Variants in MTSS1 observed in about 807,000 individuals in gnomAD.
The protein encoded by MTSS1 is MTSS I-BAR domain containing 1.
In MTSS1, 18 loss-of-function variants were observed where a neutral mutation model predicts 79.0. That is an observed-to-expected ratio of 0.23 (90% CI 0.16 to 0.34). The LOEUF (loss-of-function observed/expected upper bound fraction) is 0.34. Ranked by LOEUF, MTSS1 falls within the 10% of genes least tolerant of loss-of-function variation. The pLI is 1.00. For synonymous variants in MTSS1, 341 were observed against 368.6 expected, an observed-to-expected ratio of 0.93 and a Z score of 0.86; for missense variants, 815 against 986.2, an observed-to-expected ratio of 0.83 and a Z score of 2.33.
chr8:124,592,764 A>T (rs1563815268), intron 3 of MTSS1, among the ~76,000 whole-genome samples: 1 of 152,168 alleles, frequency 6.6e-6, no homozygotes, highest in Non-Finnish European at 1.5e-5. Flanking sequence ...GACAATGTTG[A>T]CATCCTGGGC....
In MTSS1 at chr8:124,668,457, C is replaced by T. The variant is rs116715225; in HGVS notation, c.208+31069G>A. Among the ~76,000 whole-genome samples the T allele has an allele frequency of 3.0e-3, 461 of 152,274 alleles. 3 individuals carry two copies. The highest frequency in any genetic ancestry group is 0.014 in the Middle Eastern group (4 of 294). On this transcript the variant is annotated intron_variant, in intron 3 of 13. Coordinates refer to ENST00000518547, the MANE Select transcript of MTSS1 (RefSeq NM_014751.6). ...GCTCCGTTTGAAAACCCGCCTTTCT[C>T]GTTCATGCCCCTACCAGGTCCACAG... is the stretch of plus-strand genomic sequence containing the variant.
chr8:124,562,963 G>A lies in MTSS1; in HGVS notation c.854C>T (p.Ser285Phe). 1 of 1,611,558 alleles carries A rather than the reference G, an allele frequency of 6.2e-7. No individual in the cohort carries two copies. The highest frequency in any genetic ancestry group is 8.5e-7 in the Non-Finnish European group (1 of 1,179,118). Reference protein sequence around the residue: ...SSLNSVNSSDSRSSGSHSHSP... With the variant: ...SSLNSVNSSDFRSSGSHSHSP... ...ATGCGAGTGGGAGCCGCTGGACCGG[G>A]AGTCACTGCTGTTGACACTGTTCAG... Residue 285 changes from serine (S) to phenylalanine (F), a missense_variant, in exon 10 of 14, where the codon TCC becomes TTC. Coordinates refer to ENST00000518547, the MANE Select transcript of MTSS1 (RefSeq NM_014751.6).
chr8:124,638,120 G>A (rs963636016), intron 3 of MTSS1, among the ~76,000 whole-genome samples: 2 of 152,222 alleles, frequency 1.3e-5, no homozygotes, highest in Admixed American at 1.3e-4. Context: ...GATCTTTTTA[G>A]AGCAGAAGAC....
At position 124,553,364 on chromosome 8, in the gene MTSS1, G is replaced by A; in HGVS notation, c.1896C>T (p.Ala632=). ...TVPDLPGVLP[A]PPDGPEERGE... ...CCCGCTCTTCTGGCCCATCTGGAGG[G>A]GCTGGCAACACCCCTGGGAGGTCTG... The change falls in exon 14 of 14, where the codon GCC becomes GCT. Residue 632 remains alanine, a synonymous_variant. Transcript: ENST00000518547. This position sits in a 1 kb window ranked among gnomAD's most constrained non-coding sequence, Gnocchi z 6.0. The A allele has an allele frequency of 6.2e-7, 1 of 1,611,998 alleles. No homozygotes were observed. Among genetic ancestry groups the A allele is most frequent in the Non-Finnish European group, 8.5e-7 (1 of 1,178,294 alleles).
chr8:124,670,951 A>G (rs555440178), intron 3 of MTSS1, among the ~76,000 whole-genome samples: 10 of 152,340 alleles, frequency 6.6e-5, no homozygotes, highest in Admixed American at 2.0e-4. Flanking sequence ...CGCATTAAAT[A>G]TAAGAAATGG....
At chr8:124,580,246 A>G (rs1829791089) in intron 6 of MTSS1, 1 of 337,736 alleles carries the variant, frequency 3.0e-6, no homozygotes, top group Non-Finnish European at 5.6e-6. Flanking sequence ...TTGACTGTGG[A>G]AATGACAGTT....
At chr8:124,696,239 C>T (rs1027348991) in intron 3 of MTSS1, among the ~76,000 whole-genome samples, 83 of 152,228 alleles carry the variant, frequency 5.5e-4, no homozygotes, top group African/African-American at 1.9e-3. Flanking sequence ...CCACCTGCCT[C>T]GGCCTCCCAA....
intron 3 of MTSS1, among the ~76,000 whole-genome samples, chr8:124,676,396 G>T: frequency 6.6e-6 from 1 of 152,316 alleles, no homozygotes; most frequent in African/African-American, 2.4e-5. Context: ...TTAGTGACCA[G>T]AACACTCAGA....
chr8:124,555,689 C>T (rs551636539), intron 13 of MTSS1, 53 bp downstream of exon 13: 13 of 1,505,164 alleles, frequency 8.6e-6, no homozygotes, highest in African/African-American at 2.8e-5. Context: ...TTTCTATCTC[C>T]TCACCTGGTG....
chr8:124,622,963 A>AG (rs1813898581), intron 3 of MTSS1, among the ~76,000 whole-genome samples: 1 of 152,214 alleles, frequency 6.6e-6, no homozygotes, highest in Admixed American at 6.5e-5. Context: ...ATGGGGCCCA[A>AG]GGCAAAGTCA....
chr8:124,567,732 C>T (rs6470251), intron 7 of MTSS1: 1,023,817 of 1,510,988 alleles, frequency 0.68, 348,670 homozygotes, highest in Non-Finnish European at 0.69. Context: ...AAGTTGGGAC[C>T]ACGGGCCGGG....
chr8:124,611,595 A>G (rs1268754571), intron 3 of MTSS1, among the ~76,000 whole-genome samples: 1 of 151,874 alleles, frequency 6.6e-6, no homozygotes, highest in Non-Finnish European at 1.5e-5. Context: ...CCACCTCAAC[A>G]CTTTACAGAT....
chr8:124,577,698 T>G (rs1040088669), intron 6 of MTSS1: 1 of 501,446 alleles, frequency 2.0e-6, no homozygotes, highest in Admixed American at 2.1e-5. Flanking sequence ...CTCATCAGCC[T>G]TCTAAGCCCT....
intron 3 of MTSS1, among the ~76,000 whole-genome samples, chr8:124,669,477 T>G (rs542051652): frequency 1.3e-5 from 2 of 152,324 alleles, no homozygotes; most frequent in East Asian, 3.9e-4. Flanking sequence ...AGAAAACAGT[T>G]CCTTTAGATG....
At chr8:124,671,954 A>C (rs955129731) in intron 3 of MTSS1, among the ~76,000 whole-genome samples, 5 of 152,186 alleles carry the variant, frequency 3.3e-5, no homozygotes, top group Non-Finnish European at 5.9e-5. Flanking sequence ...AACCAATGCA[A>C]CTCACAAACT....
At chr8:124,659,410 C>T (rs1821590106) in intron 3 of MTSS1, among the ~76,000 whole-genome samples, 1 of 152,032 alleles carries the variant, frequency 6.6e-6, no homozygotes, top group African/African-American at 2.4e-5. Context: ...ATAGGGTATG[C>T]CTTTAGCTGA....
intron 1 of MTSS1, among the ~76,000 whole-genome samples, chr8:124,710,211 G>A (rs1349013640): frequency 2.6e-5 from 4 of 152,248 alleles, no homozygotes; most frequent in Non-Finnish European, 5.9e-5. Context: ...CCAGGGTGGG[G>A]ACTTGGGACA....
At chr8:124,671,029 A>G (rs1824076443) in intron 3 of MTSS1, among the ~76,000 whole-genome samples, 1 of 130,454 alleles carries the variant, frequency 7.7e-6, no homozygotes, top group East Asian at 2.3e-4. Flanking sequence ...GATCTTCTAG[A>G]ACATTTTTCT....
At chr8:124,556,144 C>T in intron 12 of MTSS1, 88 bp downstream of exon 12, 1 of 1,591,858 alleles carries the variant, frequency 6.3e-7, no homozygotes, top group Admixed American at 1.8e-5. Context: ...AGCTGCAAGG[C>T]TGCCTTGGCC....
Sources: allele counts gnomAD v4.1 joint callset (sites outside exome capture counted in the v4.1 genomes callset), GRCh38; gene constraint gnomAD v4.1.1; non-coding constraint Gnocchi (gnomAD v3.1); transcripts MANE v1.5; gene names NCBI Gene and HGNC (gene_info 2026-07-23, HGNC 2026-07-21).